Variants in ATP9A observed in about 807,000 individuals in gnomAD.
ATP9A encodes the protein ATPase phospholipid transporting 9A, also known as probable phospholipid-transporting ATPase IIA.
ATP9A carries 52 observed loss-of-function variants against 144.1 expected under a neutral mutation model. The observed-to-expected ratio is 0.36, with a 90% CI of 0.29 to 0.45. ATP9A has a LOEUF of 0.45. Among genes scored for constraint, ATP9A ranks in the 20% least tolerant of loss-of-function variants. The pLI is 1.00. For missense variants in ATP9A, 947 were observed against 1,392.7 expected (o/e 0.68, Z 5.09); for synonymous variants, 582 against 557.4 (o/e 1.04, Z -0.62).
chr20:51,657,001 C>T lies in ATP9A; in HGVS notation c.1443G>A (p.Gln481=). 1 of 1,614,238 alleles carries T rather than the reference C, an allele frequency of 6.2e-7. No individual in the cohort carries two copies. The highest frequency in any genetic ancestry group is 1.7e-5 in the Admixed American group (1 of 60,028). The change falls in exon 14 of 28, where the codon CAG becomes CAA. Residue 481 remains glutamine (Q), a synonymous_variant. Transcript: ENST00000338821. ...CTTCGTACTGCTTCTCGGCCTCAGC[C>T]TGATCAGTCACACCGTTGGACTCAT... The part of the protein sequence containing the change: ...PVYESNGVTD[Q]AEAEKQYEDS...
intron 7 of ATP9A, among the ~76,000 whole-genome samples, chr20:51,691,367 G>A (rs1057005327): frequency 1.3e-5 from 2 of 152,224 alleles, no homozygotes; most frequent in Admixed American, 1.3e-4. Flanking sequence ...TACTCAGGAG[G>A]CTGAGGCAGG....
chr20:51,607,812 G>A (rs2077169502), intron 25 of ATP9A, among the ~76,000 whole-genome samples: 1 of 152,016 alleles, frequency 6.6e-6, no homozygotes. Context: ...GGAAGGCTGA[G>A]GCAAGTGGAT....
chr20:51,682,760 T>A (rs976959465), intron 9 of ATP9A, among the ~76,000 whole-genome samples: 1 of 149,242 alleles, frequency 6.7e-6, no homozygotes, highest in African/African-American at 2.5e-5. Flanking sequence ...CCCGGCTAAT[T>A]TTTTGTATTT....
chr20:51,656,975 T>A lies in ATP9A; in HGVS notation c.1469A>T (p.Asp490Val). The A allele has an allele frequency of 6.2e-7, 1 of 1,613,932 alleles. No individual in the cohort carries two copies. The highest frequency in any genetic ancestry group is 1.3e-5 in the African/African-American group (1 of 74,950). Residue 490 changes from aspartate (D) to valine (V), a missense_variant, in exon 14 of 28, where the codon GAC becomes GTC. Coordinates refer to ENST00000338821, the MANE Select transcript of ATP9A (RefSeq NM_006045.3). ...GGATGCCTGGTATACGCGGCAGGAG[T>A]CTTCGTACTGCTTCTCGGCCTCAGC... The part of the protein sequence containing the change: ...DQAEAEKQYE[D>V]SCRVYQASSP...
At chr20:51,767,161 C>A (rs2077908205) in intron 1 of ATP9A, among the ~76,000 whole-genome samples, 1 of 151,876 alleles carries the variant, frequency 6.6e-6, no homozygotes, top group Non-Finnish European at 1.5e-5. Context: ...TTCCGAGCAA[C>A]TGACGCTGCA....
intron 22 of ATP9A, among the ~76,000 whole-genome samples, chr20:51,615,985 C>T (rs1730486522): frequency 6.6e-6 from 1 of 152,082 alleles, no homozygotes; most frequent in Non-Finnish European, 1.5e-5. Context: ...TCCCAAGAAA[C>T]AAAGGAACCA....
chr20:51,724,033 C>T (rs1237493641), intron 3 of ATP9A, among the ~76,000 whole-genome samples: 2 of 151,722 alleles, frequency 1.3e-5, no homozygotes, highest in African/African-American at 4.8e-5. Flanking sequence ...TAGCTGGGCA[C>T]AGTGGCGGGC....
At chr20:51,672,312 A>C (rs947389748) in intron 11 of ATP9A, among the ~76,000 whole-genome samples, 1 of 152,228 alleles carries the variant, frequency 6.6e-6, no homozygotes, top group Non-Finnish European at 1.5e-5. Context: ...TTTACTGCAC[A>C]AAGTAAATAG....
intron 13 of ATP9A, among the ~76,000 whole-genome samples, chr20:51,659,692 C>T (rs1277263700): frequency 6.6e-6 from 1 of 152,198 alleles, no homozygotes; most frequent in Non-Finnish European, 1.5e-5. Flanking sequence ...TCGCACTTTA[C>T]ACCCATGACA....
At chr20:51,656,125 G>A (rs1245246386) in intron 14 of ATP9A, among the ~76,000 whole-genome samples, 1 of 151,798 alleles carries the variant, frequency 6.6e-6, no homozygotes, top group Non-Finnish European at 1.5e-5. Flanking sequence ...TAGGGCTGGA[G>A]GAATGAGGAA....
At chr20:51,679,729 T>G (rs2122800115) in intron 9 of ATP9A, among the ~76,000 whole-genome samples, 1 of 152,290 alleles carries the variant, frequency 6.6e-6, no homozygotes, top group South Asian at 2.1e-4. Context: ...TTCACGGAGT[T>G]CTAACTGACT....
intron 9 of ATP9A, among the ~76,000 whole-genome samples, chr20:51,685,017 T>TAAAAAAAAAAAAA (rs11325921): frequency 5.0e-5 from 7 of 139,860 alleles, no homozygotes; most frequent in Non-Finnish European, 6.2e-5. Context: ...TCTCCAAAAA[T>TAAAAAAAAAAAAA]AAAAAAAAAA....
intron 4 of ATP9A, among the ~76,000 whole-genome samples, chr20:51,700,484 T>C (rs2077588662): frequency 6.6e-6 from 1 of 152,160 alleles, no homozygotes; most frequent in Non-Finnish European, 1.5e-5. Context: ...ATTGTGCCAC[T>C]GCACGGCAGC....
intron 27 of ATP9A, 90 bp from the exon 28 acceptor site, chr20:51,601,437 G>T: frequency 7.5e-7 from 1 of 1,341,620 alleles, no homozygotes. Context: ...ACTATCAAAG[G>T]GAAAGTCATC....
chr20:51,607,264 T>C (rs1055132261), intron 26 of ATP9A, among the ~76,000 whole-genome samples: 3 of 152,210 alleles, frequency 2.0e-5, no homozygotes, highest in African/African-American at 7.2e-5. Flanking sequence ...TTTTGCCTCA[T>C]GAGTGGAGCA....
intron 22 of ATP9A, among the ~76,000 whole-genome samples, chr20:51,614,109 CA>C (rs565670312): frequency 3.7e-4 from 56 of 152,248 alleles, no homozygotes; most frequent in African/African-American, 1.2e-3. Flanking sequence ...CCATAAGTAG[CA>C]AAGAATCATT....
rs748284530 is a variant in ATP9A at position 51,600,847 on chromosome 20, A to ACACACAC, written c.*363_*364insGTGTGTG. 2.1e-5 allele frequency: 3 copies of ACACACAC among 145,520 alleles called. No individual in the cohort carries two copies. The highest frequency in any genetic ancestry group is 1.4e-4 in the Admixed American group (2 of 14,332). The allele number at this position is 145,520 out of a possible 1,614,324, so 9.0% of individuals were successfully genotyped here. On this transcript the variant is annotated 3_prime_UTR_variant, in exon 28 of 28. Coordinates refer to ENST00000338821, the MANE Select transcript of ATP9A (RefSeq NM_006045.3). The stretch of plus-strand genomic sequence containing the variant: ...ACACACACACACACACACACACACA[A>ACACACAC]GCCTTCTACAACCTTCAGCTACACA...
At chr20:51,608,885 C>T (rs4811203) in intron 24 of ATP9A, among the ~76,000 whole-genome samples, 1 of 148,022 alleles carries the variant, frequency 6.8e-6, no homozygotes, top group Non-Finnish European at 1.5e-5. Context: ...TAGAGAAGTG[C>T]TAAAGAGAAA....
intron 1 of ATP9A, among the ~76,000 whole-genome samples, chr20:51,760,936 G>A (rs938810651): frequency 2.0e-5 from 3 of 152,008 alleles, no homozygotes; most frequent in East Asian, 3.9e-4. Flanking sequence ...GGCTGAAGCA[G>A]AGAATTGCTT....
Sources: allele counts gnomAD v4.1 joint callset (sites outside exome capture counted in the v4.1 genomes callset), GRCh38; gene constraint gnomAD v4.1.1; transcripts MANE v1.5; gene names NCBI Gene and HGNC (gene_info 2026-07-23, HGNC 2026-07-21).